Variants in STYX observed in about 807,000 individuals in gnomAD.
STYX encodes serine/threonine/tyrosine-interacting protein.
Under a neutral mutation model 42.7 loss-of-function variants are expected in STYX, and 20 were observed. The ratio of observed to expected loss-of-function variants is 0.47; its 90% CI spans 0.33 to 0.68. STYX has a LOEUF of 0.68. Among genes scored for constraint, STYX ranks in the 30% least tolerant of loss-of-function variants. The pLI is 0.02. For missense variants in STYX, 226 were observed against 268.5 expected (o/e 0.84, Z 1.11); for synonymous variants, 78 against 81.9 (o/e 0.95, Z 0.26).
At chr14:52,733,435 A>G (rs1880814141) in intron 1 of STYX, among the ~76,000 whole-genome samples, 1 of 152,084 alleles carries the variant, frequency 6.6e-6, no homozygotes, top group African/African-American at 2.4e-5. Flanking sequence ...ATTCTGACAC[A>G]TATGTACCTG....
rs572139201 is a variant in STYX, at chr14:52,771,799, A to C, written c.*693A>C. ...CTTTCCTAATTTTTCTATATTTTAA[A>C]AACTACAGTTTCCATGATAAAAGGA... is the stretch of plus-strand genomic sequence containing the variant. On this transcript the variant is annotated 3_prime_UTR_variant, in exon 11 of 11. Coordinates refer to ENST00000354586, the MANE Select transcript of STYX (RefSeq NM_145251.4). The C allele has an allele frequency of 3.3e-5, 5 of 152,560 alleles. No homozygotes were observed. In the South Asian group the frequency reaches 6.2e-4, roughly 19 times the overall value. 9.5% of individuals were successfully genotyped at this position (152,560 alleles called of 1,614,324 possible).
chr14:52,763,000 C>A (rs1389013720), intron 9 of STYX, among the ~76,000 whole-genome samples: 1 of 143,710 alleles, frequency 7.0e-6, no homozygotes, highest in East Asian at 2.2e-4. Flanking sequence ...TCAAGTGATT[C>A]TGCTGCCTCA....
At chr14:52,751,076 G>T (rs1399370485) in intron 4 of STYX, among the ~76,000 whole-genome samples, 1 of 152,078 alleles carries the variant, frequency 6.6e-6, no homozygotes, top group Admixed American at 6.5e-5. Flanking sequence ...TCTCTTGAGG[G>T]ATAAAGGAAT....
At position 52,741,165 on chromosome 14, in the gene STYX, C is replaced by G. The variant is rs569252676; in HGVS notation, c.58-3687C>G. 4.6e-5 allele frequency among the ~76,000 whole-genome samples: 7 copies of G among 150,932 alleles called. No individual in the cohort carries two copies. In the East Asian group the frequency reaches 1.4e-3, roughly 29 times the overall value. On this transcript the variant is annotated intron_variant, in intron 1 of 10. Coordinates refer to ENST00000354586, the MANE Select transcript of STYX (RefSeq NM_145251.4). The stretch of plus-strand genomic sequence containing the variant: ...TTCTTTGAGACTACAATAAATAAAG[C>G]TGCTATAAATATTCATGTATAAGTC...
At chr14:52,758,038 C>A in intron 8 of STYX, 114 bp downstream of exon 8, 1 of 1,174,170 alleles carries the variant, frequency 8.5e-7, no homozygotes, top group Non-Finnish European at 1.2e-6. Flanking sequence ...TTCATGTAGT[C>A]ATGTTTGATT....
At chr14:52,743,012 T>G (rs1881254414) in intron 1 of STYX, among the ~76,000 whole-genome samples, 1 of 151,586 alleles carries the variant, frequency 6.6e-6, no homozygotes, top group South Asian at 2.1e-4. Context: ...GCCAGGCTGG[T>G]CTCAAATTCC....
At chr14:52,757,671 C>G in intron 6 of STYX, 72 bp from the exon 7 acceptor site, 13 of 1,370,422 alleles carry the variant, frequency 9.5e-6, no homozygotes, top group Non-Finnish European at 1.3e-5. Context: ...AGTTACTTTA[C>G]TGTGGTTTCA....
chr14:52,765,995 GT>G (rs1308523701), intron 9 of STYX, among the ~76,000 whole-genome samples: 1 of 152,002 alleles, frequency 6.6e-6, no homozygotes, highest in Non-Finnish European at 1.5e-5. Flanking sequence ...GTGTATCCTG[GT>G]TTTTTATGTT....
chr14:52,738,436 T>C (rs1018196286), intron 1 of STYX, among the ~76,000 whole-genome samples: 1 of 152,226 alleles, frequency 6.6e-6, no homozygotes, highest in African/African-American at 2.4e-5. Flanking sequence ...GCCTCTTGTT[T>C]TGCTAAAAGG....
Position 52,745,727 on chromosome 14 carries a change from A to T in STYX, c.91-699A>T, listed in dbSNP as rs575378864. On this transcript the variant is annotated intron_variant, in intron 2 of 10. Coordinates refer to ENST00000354586, the MANE Select transcript of STYX (RefSeq NM_145251.4). ...TACCGTCAAGTCTGTTTGCCCCAGG[A>T]TTAAGCAGTATCTTGTTCCTGGGAA... Among the ~76,000 whole-genome samples, 6 of 152,296 alleles carry T rather than the reference A, an allele frequency of 3.9e-5. No homozygotes were observed. In the East Asian group the frequency reaches 1.2e-3, roughly 29 times the overall value.
intron 9 of STYX, among the ~76,000 whole-genome samples, chr14:52,768,104 T>C (rs1466417980): frequency 6.6e-6 from 1 of 152,200 alleles, no homozygotes; most frequent in African/African-American, 2.4e-5. Context: ...TTAGGTCACC[T>C]TTTTTAGCGA....
At chr14:52,743,495 G>T (rs989683762) in intron 1 of STYX, among the ~76,000 whole-genome samples, 4 of 151,932 alleles carry the variant, frequency 2.6e-5, no homozygotes, top group African/African-American at 9.7e-5. Context: ...GCAGGAGAAT[G>T]GTGTGAACCC....
chr14:52,754,709 G>A (rs1881782846), intron 4 of STYX, among the ~76,000 whole-genome samples: 1 of 152,038 alleles, frequency 6.6e-6, no homozygotes, highest in South Asian at 2.1e-4. Context: ...TGAGAATGTT[G>A]TATTTTAAAA....
At chr14:52,763,830 T>C (rs1399715256) in intron 9 of STYX, among the ~76,000 whole-genome samples, 1 of 152,246 alleles carries the variant, frequency 6.6e-6, no homozygotes, top group Non-Finnish European at 1.5e-5. Context: ...TTGATCTGTC[T>C]TGGGCTGAAA....
At chr14:52,750,932 A>C (rs894479593) in intron 4 of STYX, 152 bp downstream of exon 4, 7 of 473,652 alleles carry the variant, frequency 1.5e-5, no homozygotes, top group Non-Finnish European at 2.5e-5. Context: ...TACTTAAATA[A>C]ATTATGCCCA....
chr14:52,767,030 A>C (rs570503617), intron 9 of STYX, among the ~76,000 whole-genome samples: 1 of 152,222 alleles, frequency 6.6e-6, no homozygotes, highest in Non-Finnish European at 1.5e-5. Context: ...AACAAAATGT[A>C]GTAGGCCAGA....
At chr14:52,757,996 G>A (rs1881942385) in intron 8 of STYX, 72 bp downstream of exon 8, 5 of 1,502,058 alleles carry the variant, frequency 3.3e-6, no homozygotes, top group Non-Finnish European at 4.6e-6. Flanking sequence ...GAATAGTTTG[G>A]AAGTTTGAAG....
chr14:52,768,102 C>A (rs894225626), intron 9 of STYX, among the ~76,000 whole-genome samples: 9 of 152,174 alleles, frequency 5.9e-5, no homozygotes, highest in African/African-American at 2.2e-4. Context: ...TTTTAGGTCA[C>A]CTTTTTTAGC....
intron 9 of STYX, among the ~76,000 whole-genome samples, chr14:52,760,606 C>T (rs888573235): frequency 2.5e-4 from 38 of 152,092 alleles, no homozygotes. Context: ...ATATTTATTA[C>T]AAAATATATT....
Sources: allele counts gnomAD v4.1 joint callset (sites outside exome capture counted in the v4.1 genomes callset), GRCh38; gene constraint gnomAD v4.1.1; transcripts MANE v1.5; gene names NCBI Gene and HGNC (gene_info 2026-07-23, HGNC 2026-07-21).